ZNF420: variants seen among roughly 807,000 people sequenced by gnomAD.
ZNF420 encodes zinc finger protein 420.
Under a neutral mutation model 44.7 loss-of-function variants are expected in ZNF420, and 31 were observed. The observed-to-expected ratio is 0.69, with a 90% CI of 0.52 to 0.94. ZNF420 has a LOEUF of 0.94. Among genes scored for constraint, ZNF420 ranks in the 40% least tolerant of loss-of-function variants. ZNF420 has a pLI of 0.00. For synonymous variants in ZNF420, 245 were observed against 267.4 expected (o/e 0.92, Z 0.82); for missense variants, 681 against 827.9 (o/e 0.82, Z 2.18).
At chr19:37,093,590 C>A (rs555858830) in intron 4 of ZNF420, among the ~76,000 whole-genome samples, 8 of 152,244 alleles carry the variant, frequency 5.3e-5, no homozygotes, top group African/African-American at 1.7e-4. Context: ...ATCCAAACAC[C>A]TCCCACCAAG....
At chr19:37,064,853 C>T (rs1390066310) in intron 1 of ZNF420, among the ~76,000 whole-genome samples, 6 of 152,068 alleles carry the variant, frequency 3.9e-5, no homozygotes, top group Admixed American at 2.6e-4. Context: ...AACACCAGGT[C>T]GTGGGGGTGA....
chr19:37,094,746 T>C (rs1211505627), intron 4 of ZNF420, among the ~76,000 whole-genome samples: 2 of 152,116 alleles, frequency 1.3e-5, no homozygotes, highest in African/African-American at 4.8e-5. Flanking sequence ...ATGTCAAATA[T>C]ATATTTTATT....
intron 1 of ZNF420, among the ~76,000 whole-genome samples, chr19:37,071,073 A>G (rs1308028095): frequency 6.6e-6 from 1 of 152,190 alleles, no homozygotes; most frequent in Non-Finnish European, 1.5e-5. Flanking sequence ...CCCTTTGCAC[A>G]AGAAAGTTTG....
intron 4 of ZNF420, among the ~76,000 whole-genome samples, chr19:37,117,468 T>C (rs1175448050): frequency 6.6e-6 from 1 of 152,182 alleles, no homozygotes; most frequent in East Asian, 1.9e-4. Flanking sequence ...AAAACCCATC[T>C]GTACGTCACC....
At chr19:37,041,827 A>T (rs1047359155) in intron 1 of ZNF420, among the ~76,000 whole-genome samples, 1 of 152,144 alleles carries the variant, frequency 6.6e-6, no homozygotes, top group African/African-American at 2.4e-5. Flanking sequence ...CTGTAGACAC[A>T]TACACTTTTT....
chr19:37,126,642 T>C (rs1439965433), intron 4 of ZNF420, among the ~76,000 whole-genome samples: 1 of 152,220 alleles, frequency 6.6e-6, no homozygotes, highest in African/African-American at 2.4e-5. Flanking sequence ...GCTATAATTT[T>C]AACATGCTCC....
In ZNF420 at chr19:37,089,130, A is replaced by G; in HGVS notation, c.9+3A>G. ...CAGCTCTAAAAACCATGGCTCGGGT[A>G]AATTGGAGTTTCCTTGTGCTCTTTT... On this transcript the variant is annotated splice_donor_region_variant and intron_variant, in intron 3 of 4. Transcript: ENST00000337995. 6.2e-7 allele frequency: 1 copy of G among 1,612,880 alleles called. No individual in the cohort carries two copies. Among genetic ancestry groups the G allele is most frequent in the South Asian group, 1.1e-5 (1 of 91,066 alleles).
intron 1 of ZNF420, among the ~76,000 whole-genome samples, chr19:37,079,437 G>T (rs757267750): frequency 6.6e-5 from 10 of 152,250 alleles, no homozygotes; most frequent in Non-Finnish European, 1.0e-4. Flanking sequence ...TGGCTCTGAG[G>T]ACTTAAGGAC....
chr19:37,119,081 G>C (rs1483399684), intron 4 of ZNF420, among the ~76,000 whole-genome samples: 1 of 152,092 alleles, frequency 6.6e-6, no homozygotes, highest in Non-Finnish European at 1.5e-5. Context: ...AGTTAACAAG[G>C]ATACCCAGGA....
At position 37,127,444 on chromosome 19, in the gene ZNF420, C is replaced by G. The variant is rs1971415024; in HGVS notation, c.453C>G (p.Ala151=). Residue 151 remains alanine (A), a synonymous_variant, in exon 5 of 5, where the codon GCC becomes GCG. Coordinates refer to ENST00000337995, the MANE Select transcript of ZNF420 (RefSeq NM_144689.5). Reference sequence around the variant, plus strand: ...AATGTGGGAAAGCCTTCAGACGAGCCTCACACCTAACACAACATCAAAGTA... The same window carrying G: ...AATGTGGGAAAGCCTTCAGACGAGCGTCACACCTAACACAACATCAAAGTA... ...CKECGKAFRR[A]SHLTQHQSIH... 1.2e-6 allele frequency: 2 copies of G among 1,613,940 alleles called. No individual in the cohort carries two copies. The highest frequency in any genetic ancestry group is 8.5e-7 in the Non-Finnish European group (1 of 1,179,976).
At chr19:37,027,424 A>T (rs1967178256) in intron 1 of ZNF420, among the ~76,000 whole-genome samples, 1 of 152,180 alleles carries the variant, frequency 6.6e-6, no homozygotes, top group South Asian at 2.1e-4. Flanking sequence ...GCCAATATTA[A>T]TATTATTAAG....
At chr19:37,107,385 T>G (rs971232566) in intron 4 of ZNF420, 2 of 152,174 alleles carry the variant, frequency 1.3e-5, no homozygotes, top group African/African-American at 4.8e-5. Context: ...TTCAAGCACT[T>G]TTTTTTAACA....
intron 4 of ZNF420, among the ~76,000 whole-genome samples, chr19:37,120,765 C>T (rs1473068494): frequency 1.9e-4 from 29 of 152,220 alleles, no homozygotes. Context: ...TGATAAGCAA[C>T]TACAGCAAAG....
At chr19:37,014,815 T>C (rs993904346) in intron 1 of ZNF420, among the ~76,000 whole-genome samples, 4 of 152,070 alleles carry the variant, frequency 2.6e-5, no homozygotes, top group Non-Finnish European at 5.9e-5. Flanking sequence ...TGGGCTGATG[T>C]CTCTCCTCTC....
intron 1 of ZNF420, among the ~76,000 whole-genome samples, chr19:37,069,387 A>C (rs1222472830): frequency 6.6e-6 from 1 of 152,196 alleles, no homozygotes; most frequent in East Asian, 1.9e-4. Context: ...AAGTATTTAA[A>C]ACTGAATGAT....
At chr19:37,010,642 C>T (rs1035348068) in intron 1 of ZNF420, among the ~76,000 whole-genome samples, 3 of 152,002 alleles carry the variant, frequency 2.0e-5, no homozygotes, top group Non-Finnish European at 4.4e-5. Flanking sequence ...TCTTGCATAT[C>T]GGCCTGTCTT....
chr19:37,051,529 G>A (rs533159326), intron 1 of ZNF420, among the ~76,000 whole-genome samples: 3 of 152,172 alleles, frequency 2.0e-5, no homozygotes, highest in Non-Finnish European at 4.4e-5. Flanking sequence ...AGTATTCTCT[G>A]ATGGTAGTTT....
intron 4 of ZNF420, among the ~76,000 whole-genome samples, chr19:37,122,161 C>G (rs370619427): frequency 6.6e-6 from 1 of 152,238 alleles, no homozygotes; most frequent in Non-Finnish European, 1.5e-5. Flanking sequence ...GACACATGCA[C>G]ACGTATGTTT....
chr19:37,015,748 C>T (rs1419240564), intron 1 of ZNF420, among the ~76,000 whole-genome samples: 1 of 152,164 alleles, frequency 6.6e-6, no homozygotes, highest in Non-Finnish European at 1.5e-5. Flanking sequence ...ACACCATGGC[C>T]TGGTGCTGGT....
Sources: allele counts gnomAD v4.1 joint callset (sites outside exome capture counted in the v4.1 genomes callset), GRCh38; gene constraint gnomAD v4.1.1; transcripts MANE v1.5; gene names NCBI Gene and HGNC (gene_info 2026-07-23, HGNC 2026-07-21).